The following RPS6KA2 variants were observed in gnomAD, a reference collection of about 807,000 sequenced individuals.
RPS6KA2 encodes the protein ribosomal protein S6 kinase alpha-2.
RPS6KA2 carries 42 observed loss-of-function variants against 91.8 expected under a neutral mutation model. That is an observed-to-expected ratio of 0.46 (90% CI 0.36 to 0.59). RPS6KA2 has a LOEUF of 0.59. Ranked by LOEUF, RPS6KA2 falls within the 20% of genes least tolerant of loss-of-function variation. The probability of loss-of-function intolerance (pLI) is 0.00; values close to 1 mark genes in which losing one functional copy is unlikely to be tolerated. For missense variants in RPS6KA2, 798 were observed against 978.5 expected, an observed-to-expected ratio of 0.82 and a Z score of 2.46; for synonymous variants, 414 against 393.6, an observed-to-expected ratio of 1.05 and a Z score of -0.61.
At chr6:166,463,939 A>C (rs1780424975) in intron 11 of RPS6KA2, among the ~76,000 whole-genome samples, 1 of 151,940 alleles carries the variant, frequency 6.6e-6, no homozygotes, top group Non-Finnish European at 1.5e-5. Flanking sequence ...GGTCCAACAG[A>C]AGAAGCACCT....
At chr6:166,619,580 A>G (rs943029440) in intron 1 of RPS6KA2, among the ~76,000 whole-genome samples, 7 of 152,224 alleles carry the variant, frequency 4.6e-5, no homozygotes, top group African/African-American at 1.7e-4. Flanking sequence ...TGTGGCCTGA[A>G]GTCTTAAGGC....
chr6:166,697,481 A>G (rs1398239686), intron 2 of RPS6KA2, among the ~76,000 whole-genome samples: 1 of 152,250 alleles, frequency 6.6e-6, no homozygotes, highest in Non-Finnish European at 1.5e-5. Context: ...ATCTCCATAA[A>G]GATGAAGCCA....
At chr6:166,510,620 G>C (rs1167313539) in intron 3 of RPS6KA2, among the ~76,000 whole-genome samples, 2 of 64,410 alleles carry the variant, frequency 3.1e-5, no homozygotes, top group African/African-American at 5.9e-5. Flanking sequence ...TGCATCTCTA[G>C]CTCTCCAAAA....
chr6:166,762,813 G>A (rs555557091), intron 2 of RPS6KA2, among the ~76,000 whole-genome samples: 2 of 152,290 alleles, frequency 1.3e-5, no homozygotes, highest in Non-Finnish European at 2.9e-5. Context: ...CTTGCACCAC[G>A]AGATTTGAGG....
At chr6:166,550,782 C>T (rs1456018035) in intron 1 of RPS6KA2, among the ~76,000 whole-genome samples, 2 of 152,054 alleles carry the variant, frequency 1.3e-5, no homozygotes, top group African/African-American at 2.4e-5. Context: ...GCGGTCAGAT[C>T]ACAAGGTCAG....
intron 1 of RPS6KA2, among the ~76,000 whole-genome samples, chr6:166,545,326 G>T (rs1360330917): frequency 6.6e-6 from 1 of 152,214 alleles, no homozygotes; most frequent in Non-Finnish European, 1.5e-5. Context: ...ACCAATGAAA[G>T]TGATTTAGCT....
intron 2 of RPS6KA2, among the ~76,000 whole-genome samples, chr6:166,674,280 G>A (rs1385443080): frequency 6.6e-6 from 1 of 152,238 alleles, no homozygotes; most frequent in African/African-American, 2.4e-5. Flanking sequence ...TATTGACTTT[G>A]ATTGGGGACA....
At chr6:166,565,418 T>G (rs1267774047) in intron 1 of RPS6KA2, among the ~76,000 whole-genome samples, 2 of 152,244 alleles carry the variant, frequency 1.3e-5, no homozygotes, top group Non-Finnish European at 2.9e-5. Context: ...AAGCCTGTGC[T>G]GGGATGCAGG....
intron 2 of RPS6KA2, among the ~76,000 whole-genome samples, chr6:166,683,631 G>A (rs920945087): frequency 6.6e-6 from 1 of 152,124 alleles, no homozygotes; most frequent in East Asian, 1.9e-4. Context: ...TTTTCCCAAC[G>A]TGCTTCCCCG....
At chr6:166,504,825 C>T (rs1782141079) in intron 5 of RPS6KA2, among the ~76,000 whole-genome samples, 1 of 152,138 alleles carries the variant, frequency 6.6e-6, no homozygotes, top group African/African-American at 2.4e-5. Context: ...GAGACGAGGG[C>T]TTCCTGCACA....
At chr6:166,828,123 T>A (rs538569494) in intron 2 of RPS6KA2, among the ~76,000 whole-genome samples, 1 of 152,174 alleles carries the variant, frequency 6.6e-6, no homozygotes, top group African/African-American at 2.4e-5. Flanking sequence ...ATGGAGACAA[T>A]TACACCTCAG....
chr6:166,484,955 T>G (rs899615681), intron 10 of RPS6KA2, among the ~76,000 whole-genome samples: 2 of 152,246 alleles, frequency 1.3e-5, no homozygotes, highest in Non-Finnish European at 2.9e-5. Flanking sequence ...ACTACCTTAG[T>G]GCAGTGCCAA....
intron 2 of RPS6KA2, among the ~76,000 whole-genome samples, chr6:166,750,634 G>A (rs572249770): frequency 3.9e-5 from 6 of 152,308 alleles, no homozygotes; most frequent in South Asian, 2.1e-4. Context: ...GGTGCCACCC[G>A]AGCCCGAGCT....
At chr6:166,564,601 T>C (rs1484576803) in intron 1 of RPS6KA2, among the ~76,000 whole-genome samples, 1 of 152,268 alleles carries the variant, frequency 6.6e-6, no homozygotes, top group East Asian at 1.9e-4. Context: ...TCTAGGGCCC[T>C]CTTCTAGGCA....
intron 2 of RPS6KA2, among the ~76,000 whole-genome samples, chr6:166,668,434 G>A (rs900810892): frequency 5.9e-5 from 9 of 152,154 alleles, no homozygotes; most frequent in East Asian, 1.9e-4. Flanking sequence ...GCAGGGACTC[G>A]GCATCTGAAC....
At chr6:166,474,621 G>T (rs1221298434) in intron 10 of RPS6KA2, among the ~76,000 whole-genome samples, 7 of 144,886 alleles carry the variant, frequency 4.8e-5, no homozygotes, top group Non-Finnish European at 1.0e-4. Context: ...TCCTGGGGGG[G>T]AAGTCGGGAG....
In RPS6KA2 at chr6:166,437,699, T is replaced by C. The variant is rs775953377; in HGVS notation, c.1333-5209A>G. On this transcript the variant is annotated intron_variant, in intron 14 of 20. Coordinates refer to ENST00000265678, the MANE Select transcript of RPS6KA2 (RefSeq NM_021135.6). The surrounding 1 kb of genome is among the most constrained non-coding windows in gnomAD (Gnocchi z 4.3). ...GAAGCAATTCTGGGTTCAACATGGA[T>C]GGCACACCACCATGATCTTCCTGAG... Among the ~76,000 whole-genome samples the C allele has an allele frequency of 1.1e-4, 16 of 152,190 alleles. No individual in the cohort carries two copies. The highest frequency in any genetic ancestry group is 1.8e-4 in the Non-Finnish European group (12 of 68,044).
intron 2 of RPS6KA2, among the ~76,000 whole-genome samples, chr6:166,658,377 C>T (rs1169731115): frequency 6.6e-6 from 1 of 152,232 alleles, no homozygotes; most frequent in Non-Finnish European, 1.5e-5. Flanking sequence ...CCGAGCCAAA[C>T]CCTTCAGGAT....
At chr6:166,417,617 CTA>C (rs1491339791) in intron 19 of RPS6KA2, among the ~76,000 whole-genome samples, 9 of 103,638 alleles carry the variant, frequency 8.7e-5, no homozygotes, top group Non-Finnish European at 1.3e-4. Flanking sequence ...ATCTCTCTCT[CTA>C]TACACACACA....
Sources: gnomAD v4.1 joint callset for allele counts (sites outside exome capture counted in the v4.1 genomes callset) on GRCh38, gnomAD v4.1.1 for gene constraint, Gnocchi (gnomAD v3.1) non-coding constraint, MANE v1.5 for transcripts, NCBI Gene and HGNC (gene_info 2026-07-23, HGNC 2026-07-21) for gene names.